WDR7: variants seen among roughly 807,000 people sequenced by gnomAD.
WDR7 encodes the protein WD repeat-containing protein 7.
A neutral mutation model predicts 169.4 loss-of-function variants in WDR7; 46 were observed. That is an observed-to-expected ratio of 0.27 (90% CI 0.21 to 0.35). The LOEUF is 0.35. Among genes scored for constraint, WDR7 ranks in the 10% least tolerant of loss-of-function variants. The probability of loss-of-function intolerance (pLI) is 1.00; values close to 1 mark genes in which losing one functional copy is unlikely to be tolerated. For synonymous variants in WDR7, 612 were observed against 666.8 expected, an observed-to-expected ratio of 0.92 and a Z score of 1.27; for missense variants, 1,534 against 1,859.3, an observed-to-expected ratio of 0.83 and a Z score of 3.22.
chr18:56,852,525 A>G (rs1204320639), intron 20 of WDR7, among the ~76,000 whole-genome samples: 1 of 152,230 alleles, frequency 6.6e-6, no homozygotes, highest in Non-Finnish European at 1.5e-5. Flanking sequence ...TCTAGTATAT[A>G]GCAATTATTG....
intron 21 of WDR7, among the ~76,000 whole-genome samples, chr18:56,882,774 G>T (rs969329969): frequency 6.6e-6 from 1 of 152,112 alleles, no homozygotes; most frequent in African/African-American, 2.4e-5. Flanking sequence ...TTTGAAGAGG[G>T]TTACCTATTT....
At chr18:56,857,691 C>G (rs1243055622) in intron 20 of WDR7, among the ~76,000 whole-genome samples, 1 of 152,146 alleles carries the variant, frequency 6.6e-6, no homozygotes, top group East Asian at 1.9e-4. Flanking sequence ...CACACACACC[C>G]TGGGACACCC....
chr18:57,032,817 A>ATATATATT (rs2048449204), downstream of WDR7: 1 of 82,468 alleles, frequency 1.2e-5, no homozygotes, highest in African/African-American at 1.1e-4. Context: ...ATATATATAT[A>ATATATATT]TATATATATA....
intron 20 of WDR7, among the ~76,000 whole-genome samples, chr18:56,830,966 C>G (rs745618487): frequency 2.6e-5 from 4 of 152,116 alleles, no homozygotes; most frequent in African/African-American, 4.8e-5. Context: ...TACTGATATG[C>G]AGGATGTGGT....
chr18:56,802,586 TCTC>T lies in WDR7; in HGVS notation c.3191-13444_3191-13442del, dbSNP rs754285496. On this transcript the variant is annotated intron_variant, in intron 19 of 27. Transcript: ENST00000254442. Reference sequence around the variant, plus strand: ...GGTTTCACCATGTTAGCCAGGATGGTCTCGATCTCCTGACCTCGTGATACACCC... The same window carrying T: ...GGTTTCACCATGTTAGCCAGGATGGTGATCTCCTGACCTCGTGATACACCC... 1.6e-3 allele frequency among the ~76,000 whole-genome samples: 239 copies of T among 151,102 alleles called. 1 individual carries two copies. Among genetic ancestry groups the T allele is most frequent in the Non-Finnish European group, 2.9e-3 (195 of 67,806 alleles).
intron 16 of WDR7, among the ~76,000 whole-genome samples, chr18:56,772,081 A>AC (rs2044173132): frequency 6.6e-6 from 1 of 150,968 alleles, no homozygotes. Flanking sequence ...AAAAAAAAAA[A>AC]AAAAAAAGCT....
Position 56,718,996 on chromosome 18 carries a change from A to C in WDR7, c.1774+837A>C, listed in dbSNP as rs543445774. Among the ~76,000 whole-genome samples, 8 of 152,330 alleles carry C rather than the reference A, an allele frequency of 5.3e-5. No individual in the cohort carries two copies. The South Asian group carries it at 1.7e-3, about 32-fold the overall frequency. On this transcript the variant is annotated intron_variant, in intron 13 of 27. Coordinates refer to ENST00000254442, the MANE Select transcript of WDR7 (RefSeq NM_015285.3). ...GGAATAAATAGCCATAAGCTTCGGT[A>C]ATCTTTTATTTATTGTCTTCATTTT...
At chr18:56,980,558 T>C (rs962657693) in intron 26 of WDR7, among the ~76,000 whole-genome samples, 2 of 148,052 alleles carry the variant, frequency 1.4e-5, no homozygotes, top group African/African-American at 5.3e-5. Flanking sequence ...AAGGAGTTAA[T>C]AAGCAAATAA....
chr18:57,010,865 T>TC (rs972360270), intron 26 of WDR7, among the ~76,000 whole-genome samples: 3 of 152,174 alleles, frequency 2.0e-5, no homozygotes, highest in Non-Finnish European at 4.4e-5. Flanking sequence ...TCTGGAAGTT[T>TC]CCCAGTTAAA....
intron 19 of WDR7, among the ~76,000 whole-genome samples, chr18:56,789,359 T>C (rs1273050141): frequency 6.6e-6 from 1 of 152,252 alleles, no homozygotes; most frequent in Non-Finnish European, 1.5e-5. Context: ...GAAAATTCCC[T>C]GTTATCAAGT....
intron 21 of WDR7, among the ~76,000 whole-genome samples, chr18:56,921,385 GCTGTAAAAACTGCCCTGCCAAAA>G (rs1202727195): frequency 2.6e-5 from 4 of 152,224 alleles, no homozygotes; most frequent in Non-Finnish European, 4.4e-5. Flanking sequence ...GCCTGCCAGA[GCTGTAAAAACTGCCCTGCCAAAA>G]CTGTAGGGAT....
chr18:56,692,224 A>G (rs1421598459), intron 9 of WDR7, among the ~76,000 whole-genome samples: 1 of 152,188 alleles, frequency 6.6e-6, no homozygotes, highest in African/African-American at 2.4e-5. Flanking sequence ...AGGCATTGCA[A>G]TACCTCCACA....
intron 9 of WDR7, 107 bp downstream of exon 9, chr18:56,691,924 C>T (rs2025580139): frequency 5.0e-6 from 4 of 796,168 alleles, no homozygotes; most frequent in East Asian, 2.8e-5. Flanking sequence ...CAATTCAAAG[C>T]ACTGTGTTAA....
intron 21 of WDR7, among the ~76,000 whole-genome samples, chr18:56,901,261 ATATTC>A (rs1229059171): frequency 1.3e-5 from 2 of 152,174 alleles, no homozygotes; most frequent in African/African-American, 4.8e-5. Flanking sequence ...AATGCTAATT[ATATTC>A]TCTATAAATA....
At chr18:56,685,812 G>T in intron 5 of WDR7, 144 bp from the exon 6 acceptor site, 3 of 620,512 alleles carry the variant, frequency 4.8e-6, no homozygotes, top group Non-Finnish European at 8.1e-6. Context: ...CCTGGTTTCT[G>T]TTTCATGAAA....
At chr18:56,857,241 A>G (rs2045734162) in intron 20 of WDR7, among the ~76,000 whole-genome samples, 1 of 152,078 alleles carries the variant, frequency 6.6e-6, no homozygotes, top group Admixed American at 6.6e-5. Context: ...TGGACCAGGA[A>G]CATATTGGTA....
chr18:56,710,911 A>G (rs1365420531), intron 12 of WDR7, among the ~76,000 whole-genome samples: 3 of 152,208 alleles, frequency 2.0e-5, no homozygotes, highest in African/African-American at 7.2e-5. Context: ...TTGGCATTGT[A>G]ATTTTTAGAA....
At chr18:56,889,969 A>G (rs992518831) in intron 21 of WDR7, among the ~76,000 whole-genome samples, 3 of 152,194 alleles carry the variant, frequency 2.0e-5, no homozygotes, top group Admixed American at 6.5e-5. Flanking sequence ...GCCAAGGTAC[A>G]TGATCTACCT....
chr18:56,818,932 A>G (rs2045031679), intron 20 of WDR7, among the ~76,000 whole-genome samples: 1 of 152,124 alleles, frequency 6.6e-6, no homozygotes, highest in Non-Finnish European at 1.5e-5. Context: ...ATTTGCCTGC[A>G]TTTTCAGGGA....
Sources: gnomAD v4.1 joint callset for allele counts (sites outside exome capture counted in the v4.1 genomes callset) on GRCh38, gnomAD v4.1.1 for gene constraint, MANE v1.5 for transcripts, NCBI Gene and HGNC (gene_info 2026-07-23, HGNC 2026-07-21) for gene names.